Variants in PABPC4L observed in about 807,000 individuals in gnomAD.
PABPC4L encodes the protein polyadenylate-binding protein 4-like.
For synonymous variants in PABPC4L, 169 were observed against 164.1 expected (o/e 1.03, Z -0.23); for missense variants, 452 against 451.4 (o/e 1.00, Z -0.01).
chr4:134,158,615 G>A, the PABPC4L span, among the ~76,000 whole-genome samples: 29 of 152,034 alleles, frequency 1.9e-4, no homozygotes, highest in Non-Finnish European at 4.4e-5. Context: ...TGCTTTATAA[G>A]TGACTTGAAC....
At chr4:134,132,639 G>T in the PABPC4L span, among the ~76,000 whole-genome samples, 1 of 151,724 alleles carries the variant, frequency 6.6e-6, no homozygotes, top group South Asian at 2.1e-4. Context: ...CAACCACTAT[G>T]GAAAAGTGCG....
chr4:134,105,569 A>C, the PABPC4L span, among the ~76,000 whole-genome samples: 1 of 151,706 alleles, frequency 6.6e-6, no homozygotes, highest in African/African-American at 2.4e-5. Flanking sequence ...TATTAAAAAT[A>C]TAATTTACAT....
chr4:133,980,006 A>T, the PABPC4L span, among the ~76,000 whole-genome samples: 1 of 151,944 alleles, frequency 6.6e-6, no homozygotes. Context: ...TTTTCTTTTG[A>T]TTATTTCCTG....
chr4:133,979,701 A>G, the PABPC4L span, among the ~76,000 whole-genome samples: 1 of 152,174 alleles, frequency 6.6e-6, no homozygotes, highest in African/African-American at 2.4e-5. Flanking sequence ...AAAGAAATCA[A>G]TCAGTTTTTT....
chr4:134,072,850 C>T, the PABPC4L span, among the ~76,000 whole-genome samples: 1 of 152,030 alleles, frequency 6.6e-6, no homozygotes, highest in Non-Finnish European at 1.5e-5. Context: ...GAAATGGGCT[C>T]TTATAAACCA....
At chr4:133,988,629 C>A in the PABPC4L span, among the ~76,000 whole-genome samples, 2 of 152,216 alleles carry the variant, frequency 1.3e-5, no homozygotes, top group Non-Finnish European at 2.9e-5. Flanking sequence ...GCTGCTTTCA[C>A]AGGCTCACAT....
the PABPC4L span, among the ~76,000 whole-genome samples, chr4:134,068,778 G>A: frequency 3.6e-4 from 54 of 150,640 alleles, no homozygotes; most frequent in African/African-American, 7.6e-4. Flanking sequence ...GTGCAGTCTC[G>A]TCTCACTGCA....
At chr4:134,029,245 G>C in the PABPC4L span, among the ~76,000 whole-genome samples, 1 of 152,124 alleles carries the variant, frequency 6.6e-6, no homozygotes, top group Admixed American at 6.6e-5. Flanking sequence ...GACCTTTACT[G>C]TACTAGGCCT....
the PABPC4L span, among the ~76,000 whole-genome samples, chr4:134,149,937 G>A: frequency 0.026 from 3,908 of 152,128 alleles, 140 homozygotes; most frequent in African/African-American, 0.088. Flanking sequence ...TTCAGGCATG[G>A]CAATATCTAT....
At chr4:134,159,733 G>A in the PABPC4L span, among the ~76,000 whole-genome samples, 2 of 152,086 alleles carry the variant, frequency 1.3e-5, no homozygotes, top group Non-Finnish European at 2.9e-5. Context: ...CCCTGGGCAA[G>A]CCCTGGTGTT....
At chr4:133,988,304 T>A in the PABPC4L span, among the ~76,000 whole-genome samples, 1 of 152,162 alleles carries the variant, frequency 6.6e-6, no homozygotes, top group Admixed American at 6.5e-5. Flanking sequence ...CAAGGTCTCA[T>A]CTGAGACAAG....
chr4:134,201,048 C>T lies in PABPC4L; in HGVS notation c.-29G>A. 6.4e-6 allele frequency: 10 copies of T among 1,551,582 alleles called. No individual in the cohort carries two copies. Among genetic ancestry groups the T allele is most frequent in the Middle Eastern group, 1.7e-4 (1 of 5,992 alleles). On this transcript the variant is annotated 5_prime_UTR_variant, in exon 2 of 2. Transcript: ENST00000421491. ...CTTGTCCTTGCCACTGTGAGTTTGTCCCCTGGAGTTCTTTGAGCAATCCCT... is the reference window on the plus strand; with the variant it reads ...CTTGTCCTTGCCACTGTGAGTTTGTTCCCTGGAGTTCTTTGAGCAATCCCT...
chr4:133,976,183 A>T, the PABPC4L span, among the ~76,000 whole-genome samples: 1 of 151,906 alleles, frequency 6.6e-6, no homozygotes, highest in Non-Finnish European at 1.5e-5. Flanking sequence ...TTCAGGTTCT[A>T]CTTATAAGTG....
the PABPC4L span, among the ~76,000 whole-genome samples, chr4:134,083,655 G>A: frequency 6.8e-3 from 1,030 of 152,148 alleles, 13 homozygotes; most frequent in Non-Finnish European, 8.9e-3. Context: ...TTGTACTTTG[G>A]CTAGTATTAA....
At chr4:134,100,285 A>G in the PABPC4L span, among the ~76,000 whole-genome samples, 1 of 151,678 alleles carries the variant, frequency 6.6e-6, no homozygotes. Flanking sequence ...ATTAAGATTG[A>G]AGCTGCACCT....
chr4:134,100,823 C>A, the PABPC4L span, among the ~76,000 whole-genome samples: 1 of 151,270 alleles, frequency 6.6e-6, no homozygotes, highest in Admixed American at 6.6e-5. Context: ...TAGAAAAAGA[C>A]AATGTGCGAG....
chr4:133,961,864 G>A, the PABPC4L span, among the ~76,000 whole-genome samples: 1 of 152,114 alleles, frequency 6.6e-6, no homozygotes, highest in Admixed American at 6.5e-5. Flanking sequence ...TCCTGCCTGG[G>A]CTAAGTGCCC....
chr4:134,101,433 AT>A, the PABPC4L span, among the ~76,000 whole-genome samples: 1 of 151,492 alleles, frequency 6.6e-6, no homozygotes, highest in Non-Finnish European at 1.5e-5. Context: ...GCTTTCCAAC[AT>A]AAATTCTGAT....
chr4:134,061,135 A>C, the PABPC4L span, among the ~76,000 whole-genome samples: 1 of 152,044 alleles, frequency 6.6e-6, no homozygotes, highest in Admixed American at 6.6e-5. Context: ...TACCTCATTT[A>C]CCCTGATGTG....
Sources: gnomAD v4.1 joint callset for allele counts (sites outside exome capture counted in the v4.1 genomes callset) on GRCh38, gnomAD v4.1.1 for gene constraint, MANE v1.5 for transcripts, NCBI Gene and HGNC (gene_info 2026-07-23, HGNC 2026-07-21) for gene names.